Variants in SLC35D4 observed in about 807,000 individuals in gnomAD.
SLC35D4 encodes UDP-N-acetylglucosamine transporter SLC35D4.
chr18:23,315,856 G>T, the SLC35D4 span, among the ~76,000 whole-genome samples: 3 of 152,206 alleles, frequency 2.0e-5, no homozygotes, highest in Non-Finnish European at 4.4e-5. Context: ...GAATAAGGAA[G>T]CTCACTCAGG....
the SLC35D4 span, among the ~76,000 whole-genome samples, chr18:23,405,250 C>CA: frequency 2.0e-5 from 3 of 152,128 alleles, no homozygotes; most frequent in African/African-American, 7.2e-5. Flanking sequence ...TGCAATGGCA[C>CA]AATCTCAGCT....
the SLC35D4 span, among the ~76,000 whole-genome samples, chr18:23,339,488 T>C: frequency 6.6e-6 from 1 of 152,250 alleles, no homozygotes; most frequent in Non-Finnish European, 1.5e-5. Context: ...GAATACCAGA[T>C]ACAATAGTCA....
At chr18:23,412,086 G>A in the SLC35D4 span, among the ~76,000 whole-genome samples, 8 of 152,216 alleles carry the variant, frequency 5.3e-5, no homozygotes, top group African/African-American at 9.6e-5. Flanking sequence ...TTGGGAGGCC[G>A]AGGCGGGAGG....
chr18:23,291,156 G>A, the SLC35D4 span, among the ~76,000 whole-genome samples: 3 of 152,214 alleles, frequency 2.0e-5, no homozygotes, highest in South Asian at 2.1e-4. Flanking sequence ...GTCATGGACC[G>A]TCTGGGATCT....
the SLC35D4 span, among the ~76,000 whole-genome samples, chr18:23,327,102 A>T: frequency 6.6e-6 from 1 of 152,238 alleles, no homozygotes; most frequent in South Asian, 2.1e-4. Context: ...AGCAGGAAAG[A>T]TCTAAAATCA....
At chr18:23,431,153 CAAAAAAA>C in the SLC35D4 span, among the ~76,000 whole-genome samples, 2 of 66,242 alleles carry the variant, frequency 3.0e-5, no homozygotes, top group Non-Finnish European at 2.7e-5. Context: ...GAGTATATCT[CAAAAAAA>C]AAAAAAAAAA....
chr18:23,268,566 G>C, the SLC35D4 span, among the ~76,000 whole-genome samples: 1 of 152,016 alleles, frequency 6.6e-6, no homozygotes. Context: ...CCATCCAAGT[G>C]TTGAGGGGTT....
chr18:23,428,088 C>G, the SLC35D4 span, among the ~76,000 whole-genome samples: 1 of 152,110 alleles, frequency 6.6e-6, no homozygotes, highest in South Asian at 2.1e-4. Flanking sequence ...TTAATGGGCA[C>G]AGCGCACCAA....
chr18:23,367,186 A>C, the SLC35D4 span, among the ~76,000 whole-genome samples: 1 of 152,202 alleles, frequency 6.6e-6, no homozygotes, highest in Non-Finnish European at 1.5e-5. Context: ...ATAAAATATT[A>C]GGGGATGAAT....
At chr18:23,341,521 C>G in the SLC35D4 span, among the ~76,000 whole-genome samples, 1 of 152,206 alleles carries the variant, frequency 6.6e-6, no homozygotes, top group Non-Finnish European at 1.5e-5. Flanking sequence ...TTCACATAAG[C>G]CCGATTCTCC....
At chr18:23,261,739 T>C in the SLC35D4 span, among the ~76,000 whole-genome samples, 23 of 152,346 alleles carry the variant, frequency 1.5e-4, no homozygotes, top group African/African-American at 5.5e-4. Context: ...GTCAACACCT[T>C]CTTACAAAAT....
the SLC35D4 span, among the ~76,000 whole-genome samples, chr18:23,342,008 C>A: frequency 6.6e-6 from 1 of 152,084 alleles, no homozygotes; most frequent in Non-Finnish European, 1.5e-5. Context: ...AAAAAAATGT[C>A]CTAAATCCTA....
chr18:23,352,069 ATCAGGC>A, the SLC35D4 span: 1 of 650,444 alleles, frequency 1.5e-6, no homozygotes, highest in African/African-American at 1.9e-5. Flanking sequence ...TGAAGGAAGG[ATCAGGC>A]TCAGGGACAG....
chr18:23,256,874 A>G, the SLC35D4 span, among the ~76,000 whole-genome samples: 2 of 152,216 alleles, frequency 1.3e-5, no homozygotes, highest in Non-Finnish European at 2.9e-5. Context: ...TAGTGCTGCA[A>G]TTGGCTACAC....
chr18:23,295,386 T>C, the SLC35D4 span, among the ~76,000 whole-genome samples: 1 of 151,772 alleles, frequency 6.6e-6, no homozygotes, highest in Non-Finnish European at 1.5e-5. Context: ...ATTAAAAAAG[T>C]AGAGACTCTT....
chr18:23,430,647 G>GCAC, the SLC35D4 span: 1 of 1,611,912 alleles, frequency 6.2e-7, no homozygotes, highest in Non-Finnish European at 8.5e-7. Flanking sequence ...AATAATGTAG[G>GCAC]GTAGGTAAAT....
chr18:23,248,046 A>T, the SLC35D4 span, among the ~76,000 whole-genome samples: 15 of 152,232 alleles, frequency 9.9e-5, no homozygotes, highest in African/African-American at 3.6e-4. Flanking sequence ...GGCTGCTTGT[A>T]AAAAAGACAG....
At chr18:23,364,016 G>A in the SLC35D4 span, among the ~76,000 whole-genome samples, 11 of 152,282 alleles carry the variant, frequency 7.2e-5, no homozygotes, top group Admixed American at 3.3e-4. Flanking sequence ...TTATCCTTAC[G>A]AGACATGGAT....
At chr18:23,427,049 T>C in the SLC35D4 span, among the ~76,000 whole-genome samples, 1 of 152,162 alleles carries the variant, frequency 6.6e-6, no homozygotes, top group African/African-American at 2.4e-5. Flanking sequence ...ATGTTAGACC[T>C]AAAACCACAG....
Sources: allele counts gnomAD v4.1 joint callset (sites outside exome capture counted in the v4.1 genomes callset), GRCh38; gene constraint gnomAD v4.1.1; transcripts MANE v1.5; gene names NCBI Gene and HGNC (gene_info 2026-07-23, HGNC 2026-07-21).